RPS9: variants seen among roughly 807,000 people sequenced by gnomAD.
RPS9 encodes ribosomal protein S9.
Under a neutral mutation model 16.9 loss-of-function variants are expected in RPS9, and 1 was observed. The ratio of observed to expected loss-of-function variants is 0.06; its 90% CI spans 0.02 to 0.28. RPS9 has a LOEUF of 0.28. Among genes scored for constraint, RPS9 ranks in the 10% least tolerant of loss-of-function variants. The pLI is 1.00. For missense variants in RPS9, 137 were observed against 273.2 expected, an observed-to-expected ratio of 0.50 and a Z score of 3.51; for synonymous variants, 106 against 110.9, an observed-to-expected ratio of 0.96 and a Z score of 0.28.
rs766690646 is a variant in RPS9 at position 54,206,436 on chromosome 19, C to T, written c.381C>T (p.Arg127=). The T allele has an allele frequency of 1.6e-5, 26 of 1,614,124 alleles. No homozygotes were observed. The highest frequency in any genetic ancestry group is 5.0e-5 in the Admixed American group (3 of 60,016). ...TGGCCAAGTCCATCCACCACGCTCG[C>T]GTGCTGATCCGCCAGCGCCATATCA... ...LGLAKSIHHA[R]VLIRQRHIRV... The change falls in exon 4 of 5, where the codon CGC becomes CGT. Residue 127 remains arginine, a synonymous_variant. Coordinates refer to ENST00000302907, the MANE Select transcript of RPS9 (RefSeq NM_001013.4).
At chr19:54,205,320 G>A (rs950074878) in intron 3 of RPS9, among the ~76,000 whole-genome samples, 3 of 150,994 alleles carry the variant, frequency 2.0e-5, no homozygotes, top group Admixed American at 6.7e-5. Context: ...GGAGCAAGCC[G>A]TCCTGAGCCT....
chr19:54,201,384 G>GTAC, intron 2 of RPS9, 103 bp downstream of exon 2: 1 of 1,606,594 alleles, frequency 6.2e-7, no homozygotes, highest in Non-Finnish European at 8.5e-7. Flanking sequence ...CCTAAATTTG[G>GTAC]TACTATTCGT....
intron 4 of RPS9, chr19:54,207,101 C>G: frequency 2.1e-6 from 1 of 470,882 alleles, no homozygotes; most frequent in South Asian, 3.3e-5. Context: ...ATTTCAGACT[C>G]GGAACTTGGG....
chr19:54,206,790 C>T, intron 4 of RPS9: 4 of 1,369,640 alleles, frequency 2.9e-6, no homozygotes, highest in Non-Finnish European at 3.9e-6. Context: ...GTGGTGGGTT[C>T]AGCTGTCTCC....
intron 4 of RPS9, 101 bp from the exon 5 acceptor site, chr19:54,207,297 G>T: frequency 9.9e-7 from 1 of 1,005,932 alleles, no homozygotes; most frequent in Non-Finnish European, 1.5e-6. Context: ...GTCTGCAGCC[G>T]TGGCGGCCTC....
At chr19:54,201,630 C>G in intron 3 of RPS9, 21 bp downstream of exon 3, 3 of 1,613,902 alleles carry the variant, frequency 1.9e-6, no homozygotes, top group Non-Finnish European at 2.5e-6. Flanking sequence ...GAGTCCACAG[C>G]AGAGGGATGG....
chr19:54,206,468 A>C lies in RPS9; in HGVS notation c.407+6A>C. On this transcript the variant is annotated splice_donor_region_variant and intron_variant, in intron 4 of 4. Coordinates refer to ENST00000302907, the MANE Select transcript of RPS9 (RefSeq NM_001013.4). ...ATCCGCCAGCGCCATATCAGGTACCACCTCGGATGGGCACCTGAATCTTCC... is the reference window on the plus strand; with the variant it reads ...ATCCGCCAGCGCCATATCAGGTACCCCCTCGGATGGGCACCTGAATCTTCC... 6.2e-7 allele frequency: 1 copy of C among 1,613,958 alleles called. No individual in the cohort carries two copies. Among genetic ancestry groups the C allele is most frequent in the South Asian group, 1.1e-5 (1 of 91,056 alleles).
chr19:54,204,539 A>G (rs1201966211), intron 3 of RPS9, among the ~76,000 whole-genome samples: 2 of 152,084 alleles, frequency 1.3e-5, no homozygotes, highest in African/African-American at 2.4e-5. Context: ...TGGGACCACA[A>G]TCCACCATGT....
chr19:54,203,401 T>C (rs1413093694), intron 3 of RPS9: 1 of 706,248 alleles, frequency 1.4e-6, no homozygotes, highest in East Asian at 1.3e-4. Flanking sequence ...CTAAGATGTG[T>C]GACTAGCGAG....
At chr19:54,206,204 C>G in intron 3 of RPS9, 72 bp from the exon 4 acceptor site, 1 of 1,485,502 alleles carries the variant, frequency 6.7e-7, no homozygotes, top group East Asian at 2.3e-5. Context: ...TACCAAGAGG[C>G]GGAGCCAGGA....
At chr19:54,207,296 C>T (rs989328903) in intron 4 of RPS9, 102 bp from the exon 5 acceptor site, 141 of 988,076 alleles carry the variant, frequency 1.4e-4, no homozygotes, top group Admixed American at 3.5e-4. Context: ...TGTCTGCAGC[C>T]GTGGCGGCCT....
chr19:54,205,506 A>G (rs753630308), intron 3 of RPS9, among the ~76,000 whole-genome samples: 15 of 152,022 alleles, frequency 9.9e-5, no homozygotes, highest in Admixed American at 3.3e-4. Context: ...CTCTCCTTAA[A>G]AGATGTAGAT....
intron 4 of RPS9, 55 bp from the exon 5 acceptor site, chr19:54,207,343 C>T (rs995113486): frequency 6.8e-7 from 1 of 1,468,054 alleles, no homozygotes; most frequent in Non-Finnish European, 9.4e-7. Flanking sequence ...GGTGCGGTAG[C>T]TGGGGTTAGC....
intron 1 of RPS9, 58 bp from the exon 2 acceptor site, chr19:54,201,102 T>G: frequency 2.5e-6 from 4 of 1,603,192 alleles, no homozygotes; most frequent in Non-Finnish European, 3.4e-6. Flanking sequence ...TTGGCGTAGT[T>G]GTGGGACTGC....
Position 54,206,629 on chromosome 19 carries a change from G to A in RPS9, c.407+167G>A, listed in dbSNP as rs981140794. On this transcript the variant is annotated intron_variant, in intron 4 of 4. Transcript: ENST00000302907. The stretch of plus-strand genomic sequence containing the variant: ...GCACACAGCTCACCAGGGAGCTGGG[G>A]CAGCCTCTTGCCCCAATAGCCCAGC... 4.5e-6 allele frequency: 7 copies of A among 1,550,764 alleles called. No individual in the cohort carries two copies. The East Asian group carries it at 9.8e-5, about 22-fold the overall frequency.
Position 54,200,896 on chromosome 19 carries a change from G to C in RPS9, c.-26+8G>C, listed in dbSNP as rs903030095. 3.1e-6 allele frequency: 4 copies of C among 1,283,810 alleles called. No individual in the cohort carries two copies. In the African/African-American group the frequency reaches 4.6e-5, roughly 15 times the overall value. The allele number at this position is 1,283,810 out of a possible 1,614,324, so 79.5% of individuals were successfully genotyped here. A position where few individuals can be genotyped will look rare whatever the true frequency, so the allele number is the denominator to read the frequency against. On this transcript the variant is annotated splice_region_variant and intron_variant, in intron 1 of 4. Transcript: ENST00000302907. ...ACCGGGTGGTTTGCTTAGGTGAGGTGCGGTGGTGTGCTTTTTCTCTAGGGT... is the reference window on the plus strand; with the variant it reads ...ACCGGGTGGTTTGCTTAGGTGAGGTCCGGTGGTGTGCTTTTTCTCTAGGGT...
chr19:54,207,358 G>T (rs373032105), intron 4 of RPS9, 40 bp from the exon 5 acceptor site: 14 of 1,556,936 alleles, frequency 9.0e-6, no homozygotes, highest in Non-Finnish European at 1.2e-5. Flanking sequence ...GTTAGCGTCC[G>T]TTTCTCCTCC....
Position 54,203,361 on chromosome 19 carries a change from C to T in RPS9, c.220+1752C>T, listed in dbSNP as rs117610804. 5.2e-3 allele frequency: 5,000 copies of T among 959,500 alleles called. 162 individuals are homozygous for T. In the South Asian group the frequency reaches 0.11, roughly 20 times the overall value. 59.4% of individuals were successfully genotyped at this position (959,500 alleles called of 1,614,324 possible). A position where few individuals can be genotyped will look rare whatever the true frequency, so the allele number is the denominator to read the frequency against. On this transcript the variant is annotated intron_variant, in intron 3 of 4. Transcript: ENST00000302907. ...TTGGATGTTTGCTCTTTGGTGTAATCCTGCCTTGATTCAGATCCTGCCTTT... is the reference window on the plus strand; with the variant it reads ...TTGGATGTTTGCTCTTTGGTGTAATTCTGCCTTGATTCAGATCCTGCCTTT...
intron 3 of RPS9, 43 bp downstream of exon 3, chr19:54,201,652 T>C: frequency 6.2e-7 from 1 of 1,610,228 alleles, no homozygotes; most frequent in Non-Finnish European, 8.5e-7. Flanking sequence ...GTGCAGGGCT[T>C]GTGAGGTTCA....
Sources: gnomAD v4.1 joint callset for allele counts (sites outside exome capture counted in the v4.1 genomes callset) on GRCh38, gnomAD v4.1.1 for gene constraint, MANE v1.5 for transcripts, NCBI Gene and HGNC (gene_info 2026-07-23, HGNC 2026-07-21) for gene names.